MNAT1: variants seen among roughly 807,000 people sequenced by gnomAD.
MNAT1 encodes the protein MNAT1 component of CDK activating kinase.
Under a neutral mutation model 42.0 loss-of-function variants are expected in MNAT1, and 43 were observed. The ratio of observed to expected loss-of-function variants is 1.02; its 90% CI spans 0.80 to 1.32. MNAT1 has a LOEUF of 1.32. Among genes scored for constraint, MNAT1 ranks in the 40% most tolerant of loss-of-function variants. The probability of loss-of-function intolerance (pLI) is 0.00; values close to 1 mark genes in which losing one functional copy is unlikely to be tolerated. For synonymous variants in MNAT1, 118 were observed against 120.0 expected, an observed-to-expected ratio of 0.98 and a Z score of 0.11; for missense variants, 306 against 350.4, an observed-to-expected ratio of 0.87 and a Z score of 1.01.
At chr14:60,953,359 C>T (rs1271775774) in intron 7 of MNAT1, among the ~76,000 whole-genome samples, 1 of 151,956 alleles carries the variant, frequency 6.6e-6, no homozygotes, top group East Asian at 1.9e-4. Flanking sequence ...TTTGAAATCT[C>T]CACTTTGATC....
intron 5 of MNAT1, among the ~76,000 whole-genome samples, chr14:60,814,666 G>A (rs2032657472): frequency 6.6e-6 from 1 of 152,100 alleles, no homozygotes; most frequent in South Asian, 2.1e-4. Context: ...AAATTATAAG[G>A]AGGTGAGAAA....
chr14:60,937,728 C>A lies in MNAT1; in HGVS notation c.810-30501C>A, dbSNP rs1178390710. ...GGCGATGCGGGCTCTTTTTTGGTTC[C>A]ATATGAACTTTAAAGTAGTTTTTTC... On this transcript the variant is annotated intron_variant, in intron 7 of 7. Coordinates refer to ENST00000261245, the MANE Select transcript of MNAT1 (RefSeq NM_002431.4). Among the ~76,000 whole-genome samples, 6 of 152,064 alleles carry A rather than the reference C, an allele frequency of 3.9e-5. No individual in the cohort carries two copies. The South Asian group carries it at 1.0e-3, about 26-fold the overall frequency.
At chr14:60,830,811 T>TA (rs1055961792) in intron 6 of MNAT1, among the ~76,000 whole-genome samples, 1 of 151,740 alleles carries the variant, frequency 6.6e-6, no homozygotes, top group African/African-American at 2.4e-5. Flanking sequence ...TTTTTTTTTT[T>TA]AAATCACAGA....
intron 6 of MNAT1, among the ~76,000 whole-genome samples, chr14:60,840,487 A>C (rs2033517730): frequency 6.6e-6 from 1 of 152,150 alleles, no homozygotes; most frequent in Admixed American, 6.5e-5. Context: ...TGCCTTACTC[A>C]GTCATTGGCT....
intron 1 of MNAT1, among the ~76,000 whole-genome samples, chr14:60,777,266 A>G (rs2031286838): frequency 1.3e-5 from 2 of 152,154 alleles, no homozygotes; most frequent in Admixed American, 1.3e-4. Flanking sequence ...GTATAATCCC[A>G]TTATTGACAC....
intron 7 of MNAT1, among the ~76,000 whole-genome samples, chr14:60,946,573 C>A (rs1230062925): frequency 3.3e-5 from 5 of 151,588 alleles, no homozygotes; most frequent in African/African-American, 1.2e-4. Flanking sequence ...ATCCTTTTGG[C>A]CAGTTCTTCT....
intron 6 of MNAT1, among the ~76,000 whole-genome samples, chr14:60,840,141 C>T (rs1011583420): frequency 5.3e-5 from 8 of 152,164 alleles, no homozygotes; most frequent in Non-Finnish European, 8.8e-5. Context: ...TTTTCTTTTA[C>T]GTGTTTCTTT....
At chr14:60,941,818 C>T (rs1052046743) in intron 7 of MNAT1, among the ~76,000 whole-genome samples, 2 of 151,150 alleles carry the variant, frequency 1.3e-5, no homozygotes, top group Non-Finnish European at 2.9e-5. Flanking sequence ...TCGCAGCTAA[C>T]ATGGTGAAAC....
At chr14:60,827,707 T>G (rs1233476606) in intron 6 of MNAT1, among the ~76,000 whole-genome samples, 1 of 152,172 alleles carries the variant, frequency 6.6e-6, no homozygotes, top group African/African-American at 2.4e-5. Context: ...GTGCCCTTTC[T>G]CAAGTCTTGT....
chr14:60,906,553 A>G (rs1376385934), intron 7 of MNAT1, among the ~76,000 whole-genome samples: 1 of 152,148 alleles, frequency 6.6e-6, no homozygotes, highest in South Asian at 2.1e-4. Context: ...AGCAGGGGCA[A>G]AATAATTTTT....
chr14:60,839,225 T>C (rs1207951754), intron 6 of MNAT1, among the ~76,000 whole-genome samples: 4 of 152,278 alleles, frequency 2.6e-5, no homozygotes, highest in Admixed American at 1.3e-4. Flanking sequence ...AGCCTGCCCG[T>C]GGCCACCCAT....
chr14:60,956,627 G>A (rs950767428), intron 7 of MNAT1, among the ~76,000 whole-genome samples: 2 of 152,092 alleles, frequency 1.3e-5, no homozygotes, highest in East Asian at 3.8e-4. Flanking sequence ...TTGTATTGCT[G>A]TCTATTTCTC....
At chr14:60,750,856 G>A (rs1432291326) in intron 1 of MNAT1, among the ~76,000 whole-genome samples, 1 of 152,086 alleles carries the variant, frequency 6.6e-6, no homozygotes, top group Non-Finnish European at 1.5e-5. Flanking sequence ...TATGGAAATG[G>A]TTTTGTCTAA....
At chr14:60,831,133 C>CTGGGATACATGTGGAGGTTTGTTCT in intron 6 of MNAT1, among the ~76,000 whole-genome samples, 1 of 142,916 alleles carries the variant, frequency 7.0e-6, no homozygotes, top group Non-Finnish European at 1.5e-5. Flanking sequence ...CTTTTAAGTT[C>CTGGGATACATGTGGAGGTTTGTTCT]TGGGATACAT....
chr14:60,826,570 C>T (rs543375889), intron 6 of MNAT1, among the ~76,000 whole-genome samples: 257 of 152,094 alleles, frequency 1.7e-3, no homozygotes, highest in Middle Eastern at 3.4e-3. Flanking sequence ...CCACCTGCCT[C>T]GGCCTCCCAA....
At chr14:60,964,602 A>T (rs1230241675) in intron 7 of MNAT1, among the ~76,000 whole-genome samples, 1 of 152,216 alleles carries the variant, frequency 6.6e-6, no homozygotes, top group Non-Finnish European at 1.5e-5. Context: ...AAACAGGAAT[A>T]GTGTCATGGG....
chr14:60,799,181 T>A (rs2032120449), intron 3 of MNAT1: 1 of 905,380 alleles, frequency 1.1e-6, no homozygotes, highest in African/African-American at 1.8e-5. Flanking sequence ...TTAGGGTTTC[T>A]CTGGGATCTT....
At chr14:60,904,053 A>G (rs1594852977) in intron 7 of MNAT1, among the ~76,000 whole-genome samples, 1 of 151,892 alleles carries the variant, frequency 6.6e-6, no homozygotes, top group South Asian at 2.1e-4. Flanking sequence ...TGTATTTTTT[A>G]GTAGAGATGG....
chr14:60,770,848 A>G (rs1373745736), intron 1 of MNAT1, among the ~76,000 whole-genome samples: 2 of 152,204 alleles, frequency 1.3e-5, no homozygotes, highest in Non-Finnish European at 2.9e-5. Context: ...GATATTCACA[A>G]TGTTAATGCA....
Sources: gnomAD v4.1 joint callset for allele counts (sites outside exome capture counted in the v4.1 genomes callset) on GRCh38, gnomAD v4.1.1 for gene constraint, MANE v1.5 for transcripts, NCBI Gene and HGNC (gene_info 2026-07-23, HGNC 2026-07-21) for gene names.